PYHIN1: variants seen among roughly 807,000 people sequenced by gnomAD.
PYHIN1 encodes pyrin and HIN domain family member 1, also known as pyrin and HIN domain-containing protein 1.
PYHIN1 carries 32 observed loss-of-function variants against 43.7 expected under a neutral mutation model. The ratio of observed to expected loss-of-function variants is 0.73; its 90% CI spans 0.55 to 0.98. The LOEUF is 0.98. PYHIN1 is among the 50% of genes least tolerant of loss of function. The probability of loss-of-function intolerance (pLI) is 0.00; values close to 1 mark genes in which losing one functional copy is unlikely to be tolerated. For missense variants in PYHIN1, 588 were observed against 589.5 expected (o/e 1.00, Z 0.03); for synonymous variants, 205 against 203.1 (o/e 1.01, Z -0.08).
At chr1:158,954,939 A>T (rs889306696) in intron 7 of PYHIN1, among the ~76,000 whole-genome samples, 1 of 150,946 alleles carries the variant, frequency 6.6e-6, no homozygotes, top group Admixed American at 6.6e-5. Flanking sequence ...AAAAAAAGGC[A>T]GGGGTTGCAA....
chr1:158,954,058 A>G (rs1371953651), intron 7 of PYHIN1, among the ~76,000 whole-genome samples: 19 of 77,000 alleles, frequency 2.5e-4, no homozygotes, highest in Non-Finnish European at 4.7e-4. Context: ...AGAAAAAAGA[A>G]TAAAAAGAAA....
intron 7 of PYHIN1, among the ~76,000 whole-genome samples, chr1:158,967,984 A>G (rs1316477161): frequency 6.6e-6 from 1 of 152,066 alleles, no homozygotes; most frequent in Non-Finnish European, 1.5e-5. Context: ...CTAAAACTAT[A>G]AAAACCCTGG....
intron 4 of PYHIN1, chr1:158,940,324 G>A (rs1648838054): frequency 6.6e-6 from 1 of 151,450 alleles, no homozygotes; most frequent in Non-Finnish European, 1.5e-5. Context: ...ATCTGACTCA[G>A]TCAAAGATAC....
intron 7 of PYHIN1, among the ~76,000 whole-genome samples, chr1:158,965,834 A>C (rs1220873119): frequency 6.6e-6 from 1 of 152,094 alleles, no homozygotes; most frequent in Admixed American, 6.6e-5. Flanking sequence ...AAGAACTAGA[A>C]AAGCAAGAAC....
chr1:158,948,911 T>C (rs1232164243), intron 7 of PYHIN1, among the ~76,000 whole-genome samples: 1 of 152,178 alleles, frequency 6.6e-6, no homozygotes, highest in Non-Finnish European at 1.5e-5. Context: ...ACCAAGCCTG[T>C]CCCTGCACCT....
chr1:158,936,576 A>G (rs537576947), intron 1 of PYHIN1, among the ~76,000 whole-genome samples: 1 of 152,158 alleles, frequency 6.6e-6, no homozygotes, highest in Non-Finnish European at 1.5e-5. Flanking sequence ...CAGCATATAA[A>G]CAGAACCAAA....
chr1:158,949,338 C>A (rs1036821785), intron 7 of PYHIN1, among the ~76,000 whole-genome samples: 5 of 152,198 alleles, frequency 3.3e-5, no homozygotes, highest in African/African-American at 1.2e-4. Flanking sequence ...ACAGACCTCC[C>A]AGCTAAAGTG....
intron 7 of PYHIN1, among the ~76,000 whole-genome samples, chr1:158,965,982 G>T (rs1054352221): frequency 1.3e-5 from 2 of 151,196 alleles, no homozygotes; most frequent in Non-Finnish European, 3.0e-5. Flanking sequence ...AAGAAAGATT[G>T]CTAGATAGAC....
chr1:158,958,800 G>C (rs146287642), intron 7 of PYHIN1, among the ~76,000 whole-genome samples: 5,521 of 130,902 alleles, frequency 0.042, 369 homozygotes, highest in African/African-American at 0.15. Flanking sequence ...AAAAAAAAAA[G>C]ATTTCTCCCT....
chr1:158,952,912 C>T (rs538836615), intron 7 of PYHIN1, among the ~76,000 whole-genome samples: 7 of 152,272 alleles, frequency 4.6e-5, no homozygotes, highest in African/African-American at 1.7e-4. Context: ...ATGCGCGAGC[C>T]GAAGTAGGGT....
downstream of PYHIN1, among the ~76,000 whole-genome samples, chr1:158,980,700 T>G (rs1003700148): frequency 6.6e-6 from 1 of 152,152 alleles, no homozygotes; most frequent in African/African-American, 2.4e-5. Context: ...TGTGTTCTGT[T>G]GTTTAAGATG....
intron 7 of PYHIN1, among the ~76,000 whole-genome samples, chr1:158,966,493 A>G (rs188880573): frequency 2.0e-5 from 3 of 152,230 alleles, no homozygotes; most frequent in Admixed American, 1.3e-4. Context: ...AGTAAACAAA[A>G]TCTAGCAGTA....
intron 5 of PYHIN1, among the ~76,000 whole-genome samples, chr1:158,942,700 G>A (rs1370747077): frequency 6.6e-6 from 1 of 152,106 alleles, no homozygotes; most frequent in Admixed American, 6.6e-5. Flanking sequence ...GATAGTGAGG[G>A]ATCTAGATCC....
chr1:158,934,504 C>T (rs1648387028), intron 1 of PYHIN1, among the ~76,000 whole-genome samples: 1 of 151,802 alleles, frequency 6.6e-6, no homozygotes, highest in African/African-American at 2.4e-5. Context: ...GATCTAAAGC[C>T]TTCATTCTCG....
the PYHIN1 span, among the ~76,000 whole-genome samples, chr1:158,984,946 G>GT: frequency 0.079 from 11,698 of 147,180 alleles, 521 homozygotes; most frequent in Admixed American, 0.11. Context: ...TTTAAGGTCT[G>GT]TTTTTTTTTT....
intron 7 of PYHIN1, among the ~76,000 whole-genome samples, chr1:158,971,400 A>G (rs995109210): frequency 6.6e-6 from 1 of 151,846 alleles, no homozygotes; most frequent in East Asian, 1.9e-4. Context: ...GATTTTCCAG[A>G]CACCCATTAT....
chr1:158,958,110 G>A (rs1650071943), intron 7 of PYHIN1, among the ~76,000 whole-genome samples: 1 of 151,706 alleles, frequency 6.6e-6, no homozygotes, highest in African/African-American at 2.4e-5. Flanking sequence ...GAAACAACAG[G>A]TGCTGGAGAG....
intron 7 of PYHIN1, among the ~76,000 whole-genome samples, chr1:158,958,593 C>G (rs1361690428): frequency 9.0e-6 from 1 of 111,164 alleles, no homozygotes; most frequent in Non-Finnish European, 1.7e-5. Context: ...ATATCACACT[C>G]TGGGGACTGT....
intron 7 of PYHIN1, among the ~76,000 whole-genome samples, chr1:158,946,979 C>T (rs531231972): frequency 3.3e-5 from 5 of 152,286 alleles, no homozygotes; most frequent in East Asian, 1.9e-4. Context: ...CAGTGAAGAA[C>T]TCATTTCCAT....
Sources: allele counts gnomAD v4.1 joint callset (sites outside exome capture counted in the v4.1 genomes callset), GRCh38; gene constraint gnomAD v4.1.1; transcripts MANE v1.5; gene names NCBI Gene and HGNC (gene_info 2026-07-23, HGNC 2026-07-21).